Variants in PDSS2 observed in about 807,000 individuals in gnomAD.
The protein encoded by PDSS2 is all trans-polyprenyl-diphosphate synthase PDSS2.
In PDSS2, 31 loss-of-function variants were observed where a neutral mutation model predicts 44.5. The ratio of observed to expected loss-of-function variants is 0.70; its 90% confidence interval spans 0.52 to 0.94. The LOEUF (loss-of-function observed/expected upper bound fraction) is 0.94, where lower values mean the gene tolerates loss of function less well. Among genes scored for constraint, PDSS2 ranks in the 40% least tolerant of loss-of-function variants. PDSS2 has a pLI of 0.00. For missense variants in PDSS2, 452 were observed against 482.2 expected (o/e 0.94, Z 0.59); for synonymous variants, 157 against 180.3 (o/e 0.87, Z 1.03).
intron 1 of PDSS2, among the ~76,000 whole-genome samples, chr6:107,440,090 G>A (rs1417414951): frequency 6.6e-6 from 1 of 152,126 alleles, no homozygotes; most frequent in Non-Finnish European, 1.5e-5. Flanking sequence ...CTGAGCTGGT[G>A]GTCTCACTGC....
At chr6:107,301,091 C>T (rs986747227) in intron 2 of PDSS2, among the ~76,000 whole-genome samples, 2 of 152,180 alleles carry the variant, frequency 1.3e-5, no homozygotes, top group Admixed American at 6.5e-5. Flanking sequence ...GTCCACATTA[C>T]AATTAAGTGA....
intron 1 of PDSS2, among the ~76,000 whole-genome samples, chr6:107,347,628 T>C (rs562702046): frequency 3.9e-5 from 6 of 152,288 alleles, no homozygotes; most frequent in Non-Finnish European, 5.9e-5. Context: ...CTGAACACCA[T>C]GGGTTCTTTC....
At chr6:107,385,482 GA>G (rs1445518204) in intron 1 of PDSS2, among the ~76,000 whole-genome samples, 1 of 152,168 alleles carries the variant, frequency 6.6e-6, no homozygotes, top group African/African-American at 2.4e-5. Flanking sequence ...CTTACTAAAT[GA>G]ATGGGAACAA....
chr6:107,420,845 C>A (rs569288206), intron 1 of PDSS2, among the ~76,000 whole-genome samples: 64 of 150,544 alleles, frequency 4.3e-4, no homozygotes, highest in African/African-American at 1.5e-3. Flanking sequence ...AAACCAGTAA[C>A]TGGATGTCAT....
At chr6:107,206,866 G>A (rs880353) in intron 6 of PDSS2, among the ~76,000 whole-genome samples, 27,128 of 151,938 alleles carry the variant, frequency 0.18, 2,949 homozygotes, top group South Asian at 0.26. Context: ...AAACCGGGCT[G>A]CCACCAAACA....
chr6:107,335,797 C>T (rs1028621296), intron 1 of PDSS2, among the ~76,000 whole-genome samples: 5 of 152,006 alleles, frequency 3.3e-5, no homozygotes, highest in African/African-American at 4.8e-5. Flanking sequence ...AAATAGATTA[C>T]AGCATATATA....
intron 3 of PDSS2, chr6:107,264,402 C>G (rs1440977311): frequency 6.5e-7 from 1 of 1,547,586 alleles, no homozygotes; most frequent in African/African-American, 1.4e-5. Flanking sequence ...CTTAATAGAA[C>G]AACCTCCAGG....
chr6:107,161,458 T>C (rs563463744), intron 7 of PDSS2, among the ~76,000 whole-genome samples: 7 of 142,308 alleles, frequency 4.9e-5, no homozygotes, highest in African/African-American at 1.6e-4. Context: ...CCAACCTGGG[T>C]GACAGAGCGA....
intron 1 of PDSS2, among the ~76,000 whole-genome samples, chr6:107,422,098 A>C (rs117576678): frequency 0.041 from 6,152 of 151,548 alleles, 179 homozygotes; most frequent in Non-Finnish European, 0.066. Context: ...AAAAAAAAAA[A>C]AAAACTTAAA....
chr6:107,218,382 T>TA (rs1773488749), intron 4 of PDSS2, among the ~76,000 whole-genome samples: 1 of 152,158 alleles, frequency 6.6e-6, no homozygotes, highest in Non-Finnish European at 1.5e-5. Context: ...GTTCTGCAGA[T>TA]ACACTCTCTA....
Position 107,154,670 on chromosome 6 carries a change from C to T in PDSS2, c.1149G>A (p.Glu383=), listed in dbSNP as rs139493398. Reference sequence around the variant, plus strand: ...CAATGTTTTCTAAAGCAGATCTGGCCTCCGAGGGAGGAAAGCTCTCCAGGG... The same window carrying T: ...CAATGTTTTCTAAAGCAGATCTGGCTTCCGAGGGAGGAAAGCTCTCCAGGG... ...LEALESFPPS[E]ARSALENIVF... The change falls in exon 8 of 8, where the codon GAG becomes GAA. Residue 383 remains glutamate, a synonymous_variant. Transcript: ENST00000369037. 225 of 1,614,194 alleles carry T rather than the reference C, an allele frequency of 1.4e-4. 2 individuals are homozygous for T. The East Asian group carries it at 4.1e-3, about 29-fold the overall frequency.
intron 1 of PDSS2, among the ~76,000 whole-genome samples, chr6:107,395,243 A>G (rs1779905399): frequency 6.6e-6 from 1 of 151,956 alleles, no homozygotes; most frequent in East Asian, 1.9e-4. Flanking sequence ...ATTTTCAGCA[A>G]TTTGATTATG....
At chr6:107,362,976 C>A (rs182890627) in intron 1 of PDSS2, among the ~76,000 whole-genome samples, 220 of 151,972 alleles carry the variant, frequency 1.4e-3, no homozygotes, top group Middle Eastern at 6.8e-3. Flanking sequence ...AATTATTTAA[C>A]CTGAATAACA....
intron 1 of PDSS2, among the ~76,000 whole-genome samples, chr6:107,445,143 TTAAG>T (rs1335957392): frequency 6.6e-6 from 1 of 151,576 alleles, no homozygotes; most frequent in Non-Finnish European, 1.5e-5. Context: ...ATACAGAAAT[TTAAG>T]TAACGAAAAT....
intron 1 of PDSS2, among the ~76,000 whole-genome samples, chr6:107,362,492 C>A (rs905641062): frequency 6.6e-6 from 1 of 152,188 alleles, no homozygotes; most frequent in Non-Finnish European, 1.5e-5. Context: ...CACAACTGCA[C>A]ATTGTGAAGG....
At chr6:107,199,452 C>T (rs535799322) in intron 6 of PDSS2, among the ~76,000 whole-genome samples, 9 of 152,244 alleles carry the variant, frequency 5.9e-5, no homozygotes, top group African/African-American at 1.7e-4. Context: ...AGGTATGTAC[C>T]ACCATGCCTG....
chr6:107,158,186 C>CTT (rs35734800), intron 7 of PDSS2, among the ~76,000 whole-genome samples: 7 of 136,734 alleles, frequency 5.1e-5, no homozygotes, highest in African/African-American at 8.1e-5. Flanking sequence ...GGTTTTCTTT[C>CTT]TTTTTTTTTT....
intron 4 of PDSS2, among the ~76,000 whole-genome samples, chr6:107,213,938 G>A (rs745426776): frequency 3.5e-4 from 53 of 151,828 alleles, no homozygotes; most frequent in Non-Finnish European, 5.6e-4. Flanking sequence ...GCTGTCCAAT[G>A]GAAATATAAT....
At chr6:107,211,324 G>C (rs961063824) in intron 5 of PDSS2, among the ~76,000 whole-genome samples, 2 of 151,674 alleles carry the variant, frequency 1.3e-5, no homozygotes, top group Admixed American at 6.6e-5. Context: ...CTAATCTTGG[G>C]ATATTTTAGA....
Sources: gnomAD v4.1 joint callset for allele counts (sites outside exome capture counted in the v4.1 genomes callset) on GRCh38, gnomAD v4.1.1 for gene constraint, MANE v1.5 for transcripts, NCBI Gene and HGNC (gene_info 2026-07-23, HGNC 2026-07-21) for gene names.